The following SCYL1 variants were observed in gnomAD, a reference collection of about 807,000 sequenced individuals.
SCYL1 encodes N-terminal kinase-like protein.
SCYL1 carries 85 observed loss-of-function variants against 94.8 expected under a neutral mutation model. The observed-to-expected ratio is 0.90, with a 90% CI of 0.75 to 1.07. The LOEUF (loss-of-function observed/expected upper bound fraction) is 1.07, where lower values mean the gene tolerates loss of function less well. Ranked by LOEUF, SCYL1 falls within the 50% of genes least tolerant of loss-of-function variation. SCYL1 has a pLI of 0.00. For missense variants in SCYL1, 968 were observed against 1,083.3 expected, an observed-to-expected ratio of 0.89 and a Z score of 1.49; for synonymous variants, 459 against 435.5, an observed-to-expected ratio of 1.05 and a Z score of -0.67.
Position 65,526,040 on chromosome 11 carries a change from C to T in SCYL1, c.372C>T (p.Ile124=), listed in dbSNP as rs773893669. The part of the protein sequence containing the change: ...ELEISWGLHQ[I]VKALSFLVND... Reference sequence around the variant, plus strand: ...AGATCTCCTGGGGGCTACACCAGATCGTGGTGAGGTGGGGGGCAGTGGTGA... The same window carrying T: ...AGATCTCCTGGGGGCTACACCAGATTGTGGTGAGGTGGGGGGCAGTGGTGA... Residue 124 remains isoleucine, a synonymous_variant, in exon 3 of 18, where the codon ATC becomes ATT. Coordinates refer to ENST00000270176, the MANE Select transcript of SCYL1 (RefSeq NM_020680.4). This position sits in a 1 kb window ranked among gnomAD's most constrained non-coding sequence, Gnocchi z 4.1. The T allele has an allele frequency of 3.1e-6, 5 of 1,612,444 alleles. No homozygotes were observed. The highest frequency in any genetic ancestry group is 1.7e-5 in the Admixed American group (1 of 59,964).
rs555597732 is a variant in SCYL1, at chr11:65,530,748, C to T, written c.969C>T (p.Phe323=). ...VLPQLLTAFE[F]GNAGAVVLTP... ...CCCAGCTGCTGACCGCCTTCGAGTT[C>T]GGCAATGCTGGGGCCGTTGTCCTCA... Residue 323 remains phenylalanine (F), a synonymous_variant, in exon 7 of 18, where the codon TTC becomes TTT. Coordinates refer to ENST00000270176, the MANE Select transcript of SCYL1 (RefSeq NM_020680.4). 2.2e-5 allele frequency: 35 copies of T among 1,613,798 alleles called. No homozygotes were observed. The highest frequency in any genetic ancestry group is 2.7e-5 in the Non-Finnish European group (32 of 1,179,954).
At position 65,538,103 on chromosome 11, in the gene SCYL1, G is replaced by A. The variant is rs1195083208; in HGVS notation, c.2168G>A (p.Ser723Asn). 1 of 1,604,728 alleles carries A rather than the reference G, an allele frequency of 6.2e-7. No homozygotes were observed. Among genetic ancestry groups the A allele is most frequent in the Non-Finnish European group, 8.5e-7 (1 of 1,176,284 alleles). Residue 723 changes from serine (S) to asparagine (N), a missense_variant, in exon 16 of 18, where the codon AGC (serine) becomes AAC (asparagine). By Grantham distance (46) the Ser-to-Asn change is conservative. Around this residue, in one of 2 missense-constraint regions of SCYL1, gnomAD observed 474 missense variants for 463.6 expected, o/e 1.02. Coordinates refer to ENST00000270176, the MANE Select transcript of SCYL1 (RefSeq NM_020680.4). ...CCTCCTGACGGTACACGGCTGGCCAGCGAGTATAACTGGGGTGGCCCAGAG... is the reference window on the plus strand; with the variant it reads ...CCTCCTGACGGTACACGGCTGGCCAACGAGTATAACTGGGGTGGCCCAGAG... ...EPPPDGTRLA[S>N]EYNWGGPESS...
chr11:65,535,804 A>AACT (rs1565077098), intron 10 of SCYL1, 149 bp from the exon 11 acceptor site: 4 of 774,894 alleles, frequency 5.2e-6, no homozygotes, highest in African/African-American at 3.5e-5. Context: ...CCAGAGTTTT[A>AACT]GGTCAACTCT....
intron 9 of SCYL1, 38 bp from the exon 10 acceptor site, chr11:65,535,189 G>A (rs760967498): frequency 1.8e-5 from 29 of 1,603,548 alleles, no homozygotes; most frequent in South Asian, 5.5e-5. Context: ...CCCTTTGCCC[G>A]CCACAGCCCA....
rs374236882 is a variant in SCYL1, at chr11:65,525,941, C to G, written c.273C>G (p.Val91=). Residue 91 remains valine (V), a synonymous_variant, in exon 3 of 18, where the codon GTC becomes GTG. Transcript: ENST00000270176. ...CCCAGACAGAAAAATGCCTCCACGTCGTGACAGAGGCTGTGACCCCGTTGG... is the reference window on the plus strand; with the variant it reads ...CCCAGACAGAAAAATGCCTCCACGTGGTGACAGAGGCTGTGACCCCGTTGG... ...DGLETEKCLH[V]VTEAVTPLGI... is the part of the protein sequence containing the mutation. 3 of 1,613,410 alleles carry G rather than the reference C, an allele frequency of 1.9e-6. No individual in the cohort carries two copies. Among genetic ancestry groups the G allele is most frequent in the Admixed American group, 1.7e-5 (1 of 59,994 alleles).
chr11:65,525,704 A>G lies in SCYL1; in HGVS notation c.242A>G (p.Asp81Gly). The G allele has an allele frequency of 1.9e-6, 3 of 1,612,700 alleles. No individual in the cohort carries two copies. In the African/African-American group the frequency reaches 4.0e-5, roughly 22 times the overall value. ...LRHPNILAYI[D>G]GLETEKCLHV... ...CACCCCAACATCCTGGCTTACATCG[A>G]TGGACTGGAGGTACCTGCTGCCTTG... Residue 81 changes from aspartate (D) to glycine (G), a missense_variant, in exon 2 of 18, where the codon GAT becomes GGT. By Grantham distance (94) the Asp-to-Gly change is moderately conservative (BLOSUM62 -1). Transcript: ENST00000270176.
intron 6 of SCYL1, 97 bp from the exon 7 acceptor site, chr11:65,530,532 G>A (rs898837616): frequency 7.2e-6 from 10 of 1,391,456 alleles, no homozygotes; most frequent in South Asian, 4.2e-5. Flanking sequence ...GAGCCCATAA[G>A]GCCCATAAGC....
At chr11:65,533,053 GC>G in intron 9 of SCYL1, 2 of 495,658 alleles carry the variant, frequency 4.0e-6, no homozygotes, top group Non-Finnish European at 7.4e-6. Flanking sequence ...GAGGTGCCCA[GC>G]CCCCTGCACT....
In SCYL1 at chr11:65,536,153, C is replaced by T. The variant is rs1370090792; in HGVS notation, c.1575+12C>T. On this transcript the variant is annotated intron_variant, in intron 11 of 17. Transcript: ENST00000270176. ...CCGTGCGAGACCAGGTGAGGCACAG[C>T]TGGGCCTGGGCCCTGGGCTGGGGCT... 1 of 1,610,628 alleles carries T rather than the reference C, an allele frequency of 6.2e-7. No homozygotes were observed. Among genetic ancestry groups the T allele is most frequent in the Non-Finnish European group, 8.5e-7 (1 of 1,177,836 alleles).
Position 65,526,270 on chromosome 11 carries a change from C to T in SCYL1, c.522C>T (p.Pro174=). 1 of 1,612,896 alleles carries T rather than the reference C, an allele frequency of 6.2e-7. No individual in the cohort carries two copies. Among genetic ancestry groups the T allele is most frequent in the Non-Finnish European group, 8.5e-7 (1 of 1,179,760 alleles). ...YSAQGNGGGP[P]RKGIPELEQY... The stretch of plus-strand genomic sequence containing the variant: ...CCCAGGGCAACGGTGGGGGACCTCC[C>T]CGCAAGGGGATCCCCGAGCTTGAGC... The change falls in exon 4 of 18, where the codon CCC becomes CCT. Residue 174 remains proline (P), a synonymous_variant. Coordinates refer to ENST00000270176, the MANE Select transcript of SCYL1 (RefSeq NM_020680.4). This position sits in a 1 kb window ranked among gnomAD's most constrained non-coding sequence, Gnocchi z 4.1.
intron 14 of SCYL1, 85 bp downstream of exon 14, chr11:65,537,213 T>G: frequency 1.3e-6 from 2 of 1,492,436 alleles, no homozygotes; most frequent in South Asian, 2.4e-5. Flanking sequence ...GGGGCCTGGC[T>G]GGAGTTGGCC....
intron 6 of SCYL1, among the ~76,000 whole-genome samples, chr11:65,528,240 C>T (rs1024134145): frequency 2.0e-5 from 3 of 147,004 alleles, no homozygotes; most frequent in Non-Finnish European, 4.5e-5. Context: ...GTCGGGAGTT[C>T]GATACCAGCT....
At chr11:65,532,203 T>A (rs1855409556) in intron 8 of SCYL1, among the ~76,000 whole-genome samples, 1 of 152,050 alleles carries the variant, frequency 6.6e-6, no homozygotes, top group African/African-American at 2.4e-5. Flanking sequence ...GGCAGGCAGA[T>A]CACCTGAGGT....
intron 8 of SCYL1, 129 bp downstream of exon 8, chr11:65,531,812 C>A (rs948153245): frequency 1.5e-6 from 1 of 677,112 alleles, no homozygotes; most frequent in Admixed American, 2.3e-5. Flanking sequence ...ACTGAGGGAC[C>A]CAATGAGGCC....
In SCYL1 at chr11:65,532,798, C is replaced by T. The variant is rs763690516; in HGVS notation, c.1223C>T (p.Thr408Met). Reference sequence around the variant, plus strand: ...ACCAACCCTGCCATCCGGGAGCAGACGGTCAAGGTGGGTGTGGCCAGGCCC... The same window carrying T: ...ACCAACCCTGCCATCCGGGAGCAGATGGTCAAGGTGGGTGTGGCCAGGCCC... ...LDTNPAIREQ[T>M]VKSMLLLAPK... The change falls in exon 9 of 18, where the codon ACG becomes ATG. Residue 408 changes from threonine to methionine, a missense_variant. By Grantham distance (81) the Thr-to-Met change is moderately conservative (BLOSUM62 -1). Transcript: ENST00000270176. The T allele has an allele frequency of 7.4e-6, 12 of 1,613,226 alleles. No homozygotes were observed. Among genetic ancestry groups the T allele is most frequent in the Middle Eastern group, 1.6e-4 (1 of 6,078 alleles).
rs768579515 is a variant in SCYL1 at position 65,537,119 on chromosome 11, C to G, written c.1950C>G (p.Gly650=). ...TADRWDDEDW[G]SLEQEAESVL... ...ACAGATGGGACGACGAAGACTGGGG[C>G]AGCCTGGAGGTGTGTGGGGCTGAGG... is the stretch of plus-strand genomic sequence containing the variant. The change falls in exon 14 of 18, where the codon GGC becomes GGG. Residue 650 remains glycine, a synonymous_variant. Coordinates refer to ENST00000270176, the MANE Select transcript of SCYL1 (RefSeq NM_020680.4). The G allele has an allele frequency of 3.1e-6, 5 of 1,614,138 alleles. No individual in the cohort carries two copies. The highest frequency in any genetic ancestry group is 4.2e-6 in the Non-Finnish European group (5 of 1,179,992).
intron 1 of SCYL1, 38 bp downstream of exon 1, chr11:65,525,302 G>C: frequency 7.4e-7 from 1 of 1,347,420 alleles, no homozygotes. Context: ...CGGTCGACCT[G>C]GGCCTTGCCT....
At chr11:65,535,501 C>T in intron 10 of SCYL1, 119 bp downstream of exon 10, 1 of 1,288,880 alleles carries the variant, frequency 7.8e-7, no homozygotes, top group Non-Finnish European at 1.1e-6. Flanking sequence ...ACCCTGCACG[C>T]TGTTGGCCCC....
At chr11:65,533,289 G>T (rs185564787) in intron 9 of SCYL1, 1 of 161,966 alleles carries the variant, frequency 6.2e-6, no homozygotes, top group African/African-American at 2.4e-5. Context: ...GGGGATGGTG[G>T]CGCATGCCTG....
Sources: gnomAD v4.1 joint callset for allele counts (sites outside exome capture counted in the v4.1 genomes callset) on GRCh38, gnomAD v4.1.1 for gene constraint, gnomAD v4.1.1 regional missense constraint, Gnocchi (gnomAD v3.1) non-coding constraint, MANE v1.5 for transcripts, NCBI Gene and HGNC (gene_info 2026-07-23, HGNC 2026-07-21) for gene names.